TENT4A: variants seen among roughly 807,000 people sequenced by gnomAD.
TENT4A encodes the protein DNA polymerase kappa.
A neutral mutation model predicts 72.8 loss-of-function variants in TENT4A; 7 were observed. The ratio of observed to expected loss-of-function variants is 0.10; its 90% CI spans 0.05 to 0.18. TENT4A has a LOEUF of 0.18. Among genes scored for constraint, TENT4A ranks in the 10% least tolerant of loss-of-function variants. The pLI is 1.00. For synonymous variants in TENT4A, 456 were observed against 434.3 expected (o/e 1.05, Z -0.62); for missense variants, 831 against 1,017.7 (o/e 0.82, Z 2.50).
In TENT4A at chr5:6,755,256, C is replaced by T. The variant is rs1301377714; in HGVS notation, c.*311C>T. The stretch of plus-strand genomic sequence containing the variant: ...AACATGCGCTTGCGGTTTGAGGTAG[C>T]CGTGTCTGTTCCTTCGCGGTTTGCT... On this transcript the variant is annotated 3_prime_UTR_variant, in exon 13 of 13. Transcript: ENST00000230859. 1.9e-5 allele frequency: 5 copies of T among 265,056 alleles called. No individual in the cohort carries two copies. Among genetic ancestry groups the T allele is most frequent in the African/African-American group, 1.1e-4 (5 of 45,440 alleles). 16.4% of individuals were successfully genotyped at this position (265,056 alleles called of 1,614,324 possible).
chr5:6,743,923 C>A, intron 6 of TENT4A, 83 bp downstream of exon 6: 1 of 1,264,016 alleles, frequency 7.9e-7, no homozygotes, highest in Non-Finnish European at 1.1e-6. Flanking sequence ...TGGGTTCCAG[C>A]AGCCTTTGCT....
At chr5:6,748,263 G>A (rs1040981637) in intron 7 of TENT4A, among the ~76,000 whole-genome samples, 1 of 152,234 alleles carries the variant, frequency 6.6e-6, no homozygotes, top group African/African-American at 2.4e-5. Flanking sequence ...ACTGTGCCCT[G>A]TGCATGGTGA....
intron 12 of TENT4A, among the ~76,000 whole-genome samples, chr5:6,754,021 A>G (rs1303465733): frequency 6.6e-6 from 1 of 152,190 alleles, no homozygotes; most frequent in Admixed American, 6.5e-5. Flanking sequence ...CAGTGCAGGG[A>G]ATGTGCTTTG....
At chr5:6,716,406 T>C (rs1159056227) in intron 1 of TENT4A, among the ~76,000 whole-genome samples, 1 of 152,166 alleles carries the variant, frequency 6.6e-6, no homozygotes, top group African/African-American at 2.4e-5. Flanking sequence ...CCACGTCCAG[T>C]CTCTCATCAC....
chr5:6,720,136 ATGT>A (rs1395436349), intron 1 of TENT4A, among the ~76,000 whole-genome samples: 3 of 152,110 alleles, frequency 2.0e-5, no homozygotes, highest in Admixed American at 6.5e-5. Flanking sequence ...AATTTCTCTG[ATGT>A]TTTCCGCCAG....
intron 1 of TENT4A, among the ~76,000 whole-genome samples, chr5:6,734,238 T>C (rs890091475): frequency 5.3e-5 from 8 of 151,958 alleles, no homozygotes; most frequent in Non-Finnish European, 8.8e-5. Flanking sequence ...CTCACGTGGG[T>C]TTTGTTGGGC....
At chr5:6,738,841 G>A (rs767065121) in intron 3 of TENT4A, 112 bp downstream of exon 3, 7 of 800,312 alleles carry the variant, frequency 8.7e-6, no homozygotes, top group Non-Finnish European at 1.5e-5. Flanking sequence ...AGAAATGCCA[G>A]CTAAAGGAAA....
intron 1 of TENT4A, among the ~76,000 whole-genome samples, chr5:6,736,998 C>T (rs538278865): frequency 2.0e-5 from 3 of 152,330 alleles, no homozygotes; most frequent in Non-Finnish European, 2.9e-5. Context: ...ACCTGGGCCG[C>T]GGGGCCCCTG....
chr5:6,727,393 G>A (rs1210319053), intron 1 of TENT4A, among the ~76,000 whole-genome samples: 3 of 152,242 alleles, frequency 2.0e-5, no homozygotes, highest in African/African-American at 7.2e-5. Context: ...TCTGCATCCT[G>A]ACCTTCTGAG....
intron 1 of TENT4A, among the ~76,000 whole-genome samples, chr5:6,724,160 G>C (rs751458134): frequency 6.6e-6 from 1 of 152,220 alleles, no homozygotes; most frequent in Non-Finnish European, 1.5e-5. Context: ...AAAGGCACTG[G>C]TGCCCAGATG....
chr5:6,748,497 T>C lies in TENT4A; in HGVS notation c.1493T>C (p.Met498Thr). The C allele has an allele frequency of 6.2e-7, 1 of 1,614,140 alleles. No homozygotes were observed. Among genetic ancestry groups the C allele is most frequent in the Non-Finnish European group, 8.5e-7 (1 of 1,180,014 alleles). ...NDVGRSSYGA[M>T]QVKQVFDYAY... ...GTTGGCCGGAGCTCCTATGGCGCCATGCAGGTGAAGCAGGTCTTCGATTAT... is the reference window on the plus strand; with the variant it reads ...GTTGGCCGGAGCTCCTATGGCGCCACGCAGGTGAAGCAGGTCTTCGATTAT... Residue 498 changes from methionine to threonine, a missense_variant, in exon 8 of 13, where the codon ATG (methionine) becomes ACG (threonine). Physicochemically the swap from Met to Thr is moderately conservative, Grantham distance 81. Transcript: ENST00000230859.
intron 1 of TENT4A, among the ~76,000 whole-genome samples, chr5:6,737,168 C>T (rs1196419473): frequency 6.6e-6 from 1 of 152,262 alleles, no homozygotes; most frequent in Admixed American, 6.5e-5. Flanking sequence ...GTGTGCCTAA[C>T]TGTGCCACAT....
chr5:6,746,579 T>C, intron 7 of TENT4A, 152 bp downstream of exon 7: 1 of 636,762 alleles, frequency 1.6e-6, no homozygotes, highest in Non-Finnish European at 2.7e-6. Context: ...AATCACACTT[T>C]GAGAAATCCT....
At chr5:6,724,685 A>G (rs898539821) in intron 1 of TENT4A, among the ~76,000 whole-genome samples, 4 of 152,240 alleles carry the variant, frequency 2.6e-5, no homozygotes, top group Non-Finnish European at 5.9e-5. Context: ...TTGGTTTTAG[A>G]ATAAAATAAC....
In TENT4A at chr5:6,746,438, C is replaced by T. The variant is rs769708183; in HGVS notation, c.1459+11C>T. 1.2e-6 allele frequency: 2 copies of T among 1,613,486 alleles called. No individual in the cohort carries two copies. Among genetic ancestry groups the T allele is most frequent in the East Asian group, 2.2e-5 (1 of 44,898 alleles). ...ACCCCCTGCTGCCAGGTAAGGGCGC[C>T]CTGATCTCCACTGCTGAGAGCTGGG... On this transcript the variant is annotated intron_variant, in intron 7 of 12. Coordinates refer to ENST00000230859, the MANE Select transcript of TENT4A (RefSeq NM_006999.6).
In TENT4A at chr5:6,714,004, G is replaced by T; in HGVS notation, c.21G>T (p.Trp7Cys). 1.0e-6 allele frequency: 1 copy of T among 982,368 alleles called. No individual in the cohort carries two copies. Among genetic ancestry groups the T allele is most frequent in the South Asian group, 4.5e-5 (1 of 22,058 alleles). The allele number at this position is 982,368 out of a possible 1,614,324, so 60.9% of individuals were successfully genotyped here. A position where few individuals can be genotyped will look rare whatever the true frequency, so the allele number is the denominator to read the frequency against. MDPRVA[W>C]IQPEQKGPAN... is the part of the protein sequence containing the mutation. The stretch of plus-strand genomic sequence containing the variant: ...CGTGGATGGATCCGCGCGTGGCCTG[G>T]ATCCAGCCCGAGCAGAAGGGGCCGG... The change falls in exon 1 of 13, where the codon TGG becomes TGT. Residue 7 changes from tryptophan (W) to cysteine (C), a missense_variant. Transcript: ENST00000230859.
intron 6 of TENT4A, chr5:6,745,790 T>C: frequency 4.6e-6 from 1 of 218,440 alleles, no homozygotes; most frequent in Non-Finnish European, 9.1e-6. Context: ...TTTTATGTGA[T>C]ACTGCCATAC....
intron 1 of TENT4A, among the ~76,000 whole-genome samples, chr5:6,734,652 C>T (rs1346052202): frequency 6.6e-6 from 1 of 152,232 alleles, no homozygotes; most frequent in East Asian, 1.9e-4. Flanking sequence ...CAGTTGCTCA[C>T]TTTTAGGTGC....
At chr5:6,743,002 T>C (rs1183109003) in intron 5 of TENT4A, among the ~76,000 whole-genome samples, 13 of 152,150 alleles carry the variant, frequency 8.5e-5, no homozygotes, top group Admixed American at 7.9e-4. Context: ...TTGGTTGAGC[T>C]GACATGTTTG....
Sources: allele counts gnomAD v4.1 joint callset (sites outside exome capture counted in the v4.1 genomes callset), GRCh38; gene constraint gnomAD v4.1.1; transcripts MANE v1.5; gene names NCBI Gene and HGNC (gene_info 2026-07-23, HGNC 2026-07-21).